CACNB2: variants seen among roughly 807,000 people sequenced by gnomAD.
CACNB2 encodes calcium voltage-gated channel auxiliary subunit beta 2, also known as voltage-dependent L-type calcium channel subunit beta-2.
In CACNB2, 42 loss-of-function variants were observed where a neutral mutation model predicts 73.3. That is an observed-to-expected ratio of 0.57 (90% CI 0.45 to 0.74). CACNB2 has a LOEUF of 0.74. Among genes scored for constraint, CACNB2 ranks in the 30% least tolerant of loss-of-function variants. The pLI is 0.00. For missense variants in CACNB2, 940 were observed against 853.0 expected (o/e 1.10, Z -1.27); for synonymous variants, 348 against 310.3 (o/e 1.12, Z -1.28).
At position 18,420,054 on chromosome 10, in the gene CACNB2, G is replaced by A. The variant is rs988596459; in HGVS notation, c.333+18011G>A. 3.3e-5 allele frequency among the ~76,000 whole-genome samples: 5 copies of A among 152,026 alleles called. No homozygotes were observed. The East Asian group carries it at 5.8e-4, about 18-fold the overall frequency. On this transcript the variant is annotated intron_variant, in intron 3 of 13. Transcript: ENST00000324631. The stretch of plus-strand genomic sequence containing the variant: ...AACTGTAAGTATCTTATGACCAGGC[G>A]TGCCCAACCCCCTGGGAATGTAACC...
rs989081159 is a variant in CACNB2 at position 18,217,361 on chromosome 10, A to G, written c.213+66386A>G. Among the ~76,000 whole-genome samples the G allele has an allele frequency of 2.0e-5, 3 of 152,008 alleles. No individual in the cohort carries two copies. The South Asian group carries it at 6.2e-4, about 32-fold the overall frequency. ...TAACCAGGCAGAGTGGTGTGCGCCT[A>G]TAGACCCAGTAACTCGGTAGGCTGA... On this transcript the variant is annotated intron_variant, in intron 2 of 13. Transcript: ENST00000324631.
In CACNB2 at chr10:18,500,950, T is replaced by G; in HGVS notation, c.593+2T>G. On this transcript the variant is annotated splice_donor_variant, in intron 5 of 13. Transcript: ENST00000324631. LOFTEE classifies it high-confidence loss of function. The stretch of plus-strand genomic sequence containing the variant: ...CAAGCAAGGGAAATTCTACTCCAGG[T>G]ATGAGACAGATGTCAAGTGTTTGCA... The G allele has an allele frequency of 6.2e-7, 1 of 1,613,850 alleles. No homozygotes were observed. Among genetic ancestry groups the G allele is most frequent in the South Asian group, 1.1e-5 (1 of 91,084 alleles).
At chr10:18,341,071 T>C in intron 2 of CACNB2, 1 of 1,285,180 alleles carries the variant, frequency 7.8e-7, no homozygotes, top group Non-Finnish European at 1.1e-6. Flanking sequence ...GCTAAAATCA[T>C]ACTAGTTACT....
intron 1 of CACNB2, among the ~76,000 whole-genome samples, chr10:18,143,698 G>C (rs1184449574): frequency 1.3e-5 from 2 of 152,204 alleles, no homozygotes; most frequent in African/African-American, 4.8e-5. Context: ...GGGCAGAACA[G>C]ACCAGCAGTA....
chr10:18,164,162 G>GT (rs2032676240), intron 2 of CACNB2, among the ~76,000 whole-genome samples: 1 of 152,170 alleles, frequency 6.6e-6, no homozygotes, highest in Non-Finnish European at 1.5e-5. Flanking sequence ...ATGTAAACAG[G>GT]TTTTCTACTA....
intron 3 of CACNB2, among the ~76,000 whole-genome samples, chr10:18,447,844 C>CT (rs1451977476): frequency 6.6e-6 from 1 of 151,820 alleles, no homozygotes; most frequent in East Asian, 1.9e-4. Flanking sequence ...TTAAAAAAAT[C>CT]TTTACATTTT....
intron 2 of CACNB2, among the ~76,000 whole-genome samples, chr10:18,220,228 T>TAGAGAGAGAG (rs1399883516): frequency 4.4e-4 from 18 of 40,936 alleles, no homozygotes; most frequent in Non-Finnish European, 6.7e-4. Context: ...TATATATATA[T>TAGAGAGAGAG]ATATAGAGAG....
chr10:18,372,785 T>G (rs2042642983), intron 2 of CACNB2, among the ~76,000 whole-genome samples: 1 of 152,208 alleles, frequency 6.6e-6, no homozygotes, highest in African/African-American at 2.4e-5. Flanking sequence ...CTATCTGCAC[T>G]TTACTGTCTT....
chr10:18,358,132 G>A (rs1405725682), intron 2 of CACNB2, among the ~76,000 whole-genome samples: 1 of 152,186 alleles, frequency 6.6e-6, no homozygotes, highest in African/African-American at 2.4e-5. Flanking sequence ...TGTCACCCAA[G>A]CTAGAGGGCA....
At chr10:18,427,576 T>C (rs1037342280) in intron 3 of CACNB2, among the ~76,000 whole-genome samples, 2 of 152,206 alleles carry the variant, frequency 1.3e-5, no homozygotes, top group Non-Finnish European at 2.9e-5. Context: ...CTTGAGTATT[T>C]TCTATAACTC....
At chr10:18,525,048 A>AAAAC (rs1554838145) in intron 9 of CACNB2, among the ~76,000 whole-genome samples, 5 of 147,674 alleles carry the variant, frequency 3.4e-5, no homozygotes, top group Non-Finnish European at 3.0e-5. Context: ...AAAAAAAAAA[A>AAAAC]ACACATTATA....
At chr10:18,415,479 A>G (rs1181958638) in intron 3 of CACNB2, among the ~76,000 whole-genome samples, 2 of 151,218 alleles carry the variant, frequency 1.3e-5, no homozygotes, top group African/African-American at 4.8e-5. Flanking sequence ...AAAAAAAAAA[A>G]ACAAAGAAAA....
At chr10:18,161,243 C>T (rs1012157976) in intron 2 of CACNB2, among the ~76,000 whole-genome samples, 6 of 152,212 alleles carry the variant, frequency 3.9e-5, no homozygotes, top group South Asian at 2.1e-4. Flanking sequence ...CCAAAACTGT[C>T]ATCAGGTTCT....
intron 3 of CACNB2, among the ~76,000 whole-genome samples, chr10:18,433,443 T>A (rs915778686): frequency 1.3e-5 from 2 of 152,226 alleles, no homozygotes; most frequent in Middle Eastern, 6.3e-3. Context: ...ACTCTGTTGA[T>A]TGTATTGCTG....
At chr10:18,519,574 C>G (rs1327807254) in intron 9 of CACNB2, 5 of 389,590 alleles carry the variant, frequency 1.3e-5, no homozygotes, top group Admixed American at 3.1e-5. Context: ...AGTATCCATA[C>G]AGAGCCGTAA....
At chr10:18,512,340 T>C (rs1055900906) in intron 6 of CACNB2, among the ~76,000 whole-genome samples, 2 of 152,186 alleles carry the variant, frequency 1.3e-5, no homozygotes, top group African/African-American at 2.4e-5. Context: ...GACCCAGTGT[T>C]TTCCCATTAG....
chr10:18,265,670 G>A (rs1343937288), intron 2 of CACNB2, among the ~76,000 whole-genome samples: 4 of 152,044 alleles, frequency 2.6e-5, no homozygotes, highest in Admixed American at 2.6e-4. Flanking sequence ...GTGATAGTGG[G>A]GTTCTTTTCT....
At chr10:18,325,606 TTC>T (rs1207628556) in intron 2 of CACNB2, among the ~76,000 whole-genome samples, 1 of 151,868 alleles carries the variant, frequency 6.6e-6, no homozygotes, top group East Asian at 1.9e-4. Context: ...TCTGTCTTTT[TTC>T]TTTCTTTCCT....
At chr10:18,164,623 G>C (rs1465679349) in intron 2 of CACNB2, among the ~76,000 whole-genome samples, 1 of 151,754 alleles carries the variant, frequency 6.6e-6, no homozygotes, top group Non-Finnish European at 1.5e-5. Flanking sequence ...TCCTGAAGCT[G>C]TGATCTATAA....
Sources: gnomAD v4.1 joint callset for allele counts (sites outside exome capture counted in the v4.1 genomes callset) on GRCh38, gnomAD v4.1.1 for gene constraint, MANE v1.5 for transcripts, NCBI Gene and HGNC (gene_info 2026-07-23, HGNC 2026-07-21) for gene names.